Variants in VPS54 observed in about 807,000 individuals in gnomAD.
VPS54 encodes the protein VPS54 subunit of GARP complex, also known as vacuolar protein sorting-associated protein 54.
In VPS54, 45 loss-of-function variants were observed where a neutral mutation model predicts 121.5. The ratio of observed to expected loss-of-function variants is 0.37; its 90% CI spans 0.29 to 0.47. The LOEUF (loss-of-function observed/expected upper bound fraction) is 0.47. Among genes scored for constraint, VPS54 ranks in the 20% least tolerant of loss-of-function variants. The pLI is 0.99. For missense variants in VPS54, 1,090 were observed against 1,131.4 expected (o/e 0.96, Z 0.52); for synonymous variants, 371 against 385.8 (o/e 0.96, Z 0.45).
chr2:63,963,720 G>T (rs1183672998), intron 6 of VPS54, among the ~76,000 whole-genome samples: 1 of 151,924 alleles, frequency 6.6e-6, no homozygotes, highest in Non-Finnish European at 1.5e-5. Context: ...TCTTCAATAT[G>T]GCTGTTCATT....
chr2:63,988,048 A>C (rs1377700273), intron 1 of VPS54, among the ~76,000 whole-genome samples: 1 of 152,164 alleles, frequency 6.6e-6, no homozygotes, highest in Non-Finnish European at 1.5e-5. Flanking sequence ...AGGACTTCCA[A>C]TACTACGTTG....
chr2:63,945,831 C>G (rs954134652), intron 9 of VPS54, among the ~76,000 whole-genome samples: 11 of 152,056 alleles, frequency 7.2e-5, no homozygotes, highest in Non-Finnish European at 1.3e-4. Flanking sequence ...ATACATGCAA[C>G]AGTTTAAAAT....
intron 12 of VPS54, among the ~76,000 whole-genome samples, chr2:63,926,839 G>C (rs183869987): frequency 6.6e-6 from 1 of 152,140 alleles, no homozygotes; most frequent in Non-Finnish European, 1.5e-5. Context: ...ATCCCCTCCC[G>C]TGCCTGGCTC....
chr2:63,917,743 T>C (rs1366655183), intron 15 of VPS54, among the ~76,000 whole-genome samples: 1 of 152,032 alleles, frequency 6.6e-6, no homozygotes, highest in African/African-American at 2.4e-5. Flanking sequence ...TCATCACTTC[T>C]CTATATTACA....
At position 63,892,258 on chromosome 2, in the gene VPS54, CAAAAT is replaced by C. The variant is rs1672250488; in HGVS notation, c.*1167_*1171del. The C allele has an allele frequency of 6.6e-6, 1 of 152,026 alleles. No individual in the cohort carries two copies. Among genetic ancestry groups the C allele is most frequent in the East Asian group, 1.9e-4 (1 of 5,176 alleles). The allele number at this position is 152,026 out of a possible 1,614,324, so 9.4% of individuals were successfully genotyped here. On this transcript the variant is annotated 3_prime_UTR_variant, in exon 23 of 23. Coordinates refer to ENST00000272322, the MANE Select transcript of VPS54 (RefSeq NM_016516.3). ...TTTCCTTTTAAGAAACCAAAGAGCA[CAAAAT>C]AAGACTGTTTCATTATACATAATCA...
chr2:63,957,170 C>G lies in VPS54; in HGVS notation c.1010+4888G>C, dbSNP rs186826049. ...AAAATATTTATATCCCGGCCGGGCACGGTGGCTCACACCTGTAATCCCAGC... is the reference window on the plus strand; with the variant it reads ...AAAATATTTATATCCCGGCCGGGCAGGGTGGCTCACACCTGTAATCCCAGC... On this transcript the variant is annotated intron_variant, in intron 7 of 22. Transcript: ENST00000272322. Among the ~76,000 whole-genome samples the G allele has an allele frequency of 6.7e-3, 1,021 of 152,094 alleles. 4 individuals carry two copies. The highest frequency in any genetic ancestry group is 9.3e-3 in the Non-Finnish European group (634 of 67,990).
At chr2:64,007,544 C>T (rs1241885585) in intron 1 of VPS54, among the ~76,000 whole-genome samples, 1 of 152,180 alleles carries the variant, frequency 6.6e-6, no homozygotes, top group Non-Finnish European at 1.5e-5. Context: ...CAGAGTACTA[C>T]TGTAAAACAA....
chr2:63,894,318 A>T (rs1017425784), intron 22 of VPS54, among the ~76,000 whole-genome samples: 5 of 152,186 alleles, frequency 3.3e-5, no homozygotes, highest in Non-Finnish European at 5.9e-5. Context: ...ACCATTAGAC[A>T]TGTATAAAGA....
chr2:63,973,275 T>C (rs1676368679), intron 3 of VPS54, among the ~76,000 whole-genome samples: 1 of 152,238 alleles, frequency 6.6e-6, no homozygotes, highest in African/African-American at 2.4e-5. Flanking sequence ...CCTAATGACA[T>C]TTGATATTTA....
intron 1 of VPS54, 44 bp downstream of exon 1, chr2:64,018,894 T>G (rs1678843403): frequency 1.7e-5 from 2 of 117,770 alleles, no homozygotes; most frequent in Non-Finnish European, 3.5e-5. Flanking sequence ...TAGGTCGGGG[T>G]GAGAGTGGGC....
At position 63,966,151 on chromosome 2, in the gene VPS54, C is replaced by T. The variant is rs182792785; in HGVS notation, c.493-185G>A. On this transcript the variant is annotated intron_variant, in intron 5 of 22. Transcript: ENST00000272322. ...AAAAATGTGTAAATTTCTCACCAAG[C>T]TTAAAATACTCATAAAAGATACAAA... 4.5e-4 allele frequency among the ~76,000 whole-genome samples: 68 copies of T among 152,198 alleles called. 2 individuals are homozygous for T. The South Asian group carries it at 6.9e-3, about 15-fold the overall frequency.
chr2:64,001,853 C>T (rs1399898637), intron 1 of VPS54, among the ~76,000 whole-genome samples: 2 of 152,050 alleles, frequency 1.3e-5, no homozygotes, highest in South Asian at 2.1e-4. Flanking sequence ...CAAGCACTCC[C>T]TTAGGTGTTC....
chr2:63,996,367 C>G (rs190796789), intron 1 of VPS54, among the ~76,000 whole-genome samples: 2 of 152,302 alleles, frequency 1.3e-5, no homozygotes, highest in Non-Finnish European at 2.9e-5. Flanking sequence ...ACTTTAATCT[C>G]TTAATCCCAT....
At chr2:63,929,525 G>C (rs139382507) in intron 12 of VPS54, among the ~76,000 whole-genome samples, 1 of 152,184 alleles carries the variant, frequency 6.6e-6, no homozygotes, top group Non-Finnish European at 1.5e-5. Flanking sequence ...AGTGTGTAGA[G>C]GGAAATTTAT....
chr2:63,970,878 C>T (rs1360142255), intron 4 of VPS54, among the ~76,000 whole-genome samples: 1 of 151,932 alleles, frequency 6.6e-6, no homozygotes, highest in Non-Finnish European at 1.5e-5. Context: ...TTGGATTCAA[C>T]TACCATGCTA....
chr2:63,944,733 C>T (rs1320644911), intron 9 of VPS54, 78 bp from the exon 10 acceptor site: 5 of 1,251,052 alleles, frequency 4.0e-6, no homozygotes, highest in East Asian at 2.4e-5. Flanking sequence ...TCCATTTGTA[C>T]ATTAAAAAGG....
At chr2:63,905,547 G>A (rs907085613) in intron 20 of VPS54, among the ~76,000 whole-genome samples, 20 of 151,514 alleles carry the variant, frequency 1.3e-4, no homozygotes, top group African/African-American at 3.6e-4. Flanking sequence ...AAACCTGCCT[G>A]TAAAGTAAGA....
At chr2:63,940,744 A>G (rs1279908640) in intron 11 of VPS54, among the ~76,000 whole-genome samples, 1 of 100,344 alleles carries the variant, frequency 1.0e-5, no homozygotes, top group Non-Finnish European at 2.2e-5. Flanking sequence ...TTTCTGGCAA[A>G]AAGTTGGCCA....
At position 63,979,507 on chromosome 2, in the gene VPS54, C is replaced by G. The variant is rs188304474; in HGVS notation, c.378+2139G>C. Reference sequence around the variant, plus strand: ...CCACCCACCTTGGCCTCCCAAAGTGCTGGGATTACAGGCATGAGCCACTGC... The same window carrying G: ...CCACCCACCTTGGCCTCCCAAAGTGGTGGGATTACAGGCATGAGCCACTGC... On this transcript the variant is annotated intron_variant, in intron 3 of 22. Coordinates refer to ENST00000272322, the MANE Select transcript of VPS54 (RefSeq NM_016516.3). Among the ~76,000 whole-genome samples, 630 of 152,210 alleles carry G rather than the reference C, an allele frequency of 4.1e-3. 7 individuals are homozygous for G. Among genetic ancestry groups the G allele is most frequent in the Non-Finnish European group, 3.1e-3 (211 of 67,998 alleles).
Sources: gnomAD v4.1 joint callset for allele counts (sites outside exome capture counted in the v4.1 genomes callset) on GRCh38, gnomAD v4.1.1 for gene constraint, MANE v1.5 for transcripts, NCBI Gene and HGNC (gene_info 2026-07-23, HGNC 2026-07-21) for gene names.